The following TMEM53 variants were observed in gnomAD, a reference collection of about 807,000 sequenced individuals.
TMEM53 encodes novel DUF829 domain-containing protein.
A neutral mutation model predicts 21.4 loss-of-function variants in TMEM53; 14 were observed. The ratio of observed to expected loss-of-function variants is 0.65; its 90% CI spans 0.43 to 1.02. The LOEUF is 1.02. TMEM53 is among the 50% of genes least tolerant of loss of function. TMEM53 has a pLI of 0.00. For synonymous variants in TMEM53, 148 were observed against 157.4 expected, an observed-to-expected ratio of 0.94 and a Z score of 0.45; for missense variants, 323 against 383.6, an observed-to-expected ratio of 0.84 and a Z score of 1.32.
In TMEM53 at chr1:44,654,888, G is replaced by A. The variant is rs141005330; in HGVS notation, c.505C>T (p.Leu169=). The A allele has an allele frequency of 1.7e-4, 270 of 1,612,600 alleles. No individual in the cohort carries two copies. The highest frequency in any genetic ancestry group is 3.3e-5 in the Admixed American group (2 of 60,010). ...AAGGCCACCAGCAGCAACAGGCGCA[G>A]CATGGCGGCCCGGCGCTCCAGGATG... ...AAILERRAAM[L]RLLLLVAFAL... is the part of the protein sequence containing the mutation. Residue 169 remains leucine, a synonymous_variant, in exon 3 of 3, where the codon CTG becomes TTG. Coordinates refer to ENST00000372237, the MANE Select transcript of TMEM53 (RefSeq NM_024587.4). The surrounding 1 kb of genome is among the most constrained non-coding windows in gnomAD (Gnocchi z 7.0).
chr1:44,673,178 T>C (rs528724213), intron 1 of TMEM53, among the ~76,000 whole-genome samples: 1 of 152,328 alleles, frequency 6.6e-6, no homozygotes, highest in East Asian at 1.9e-4. Context: ...CAGATCCAGT[T>C]CTAGGGAAAA....
chr1:44,656,593 C>A (rs1330799069), intron 2 of TMEM53, among the ~76,000 whole-genome samples: 1 of 152,138 alleles, frequency 6.6e-6, no homozygotes, highest in East Asian at 1.9e-4. Flanking sequence ...TTCTCCCTGG[C>A]AGCATCTGGA....
chr1:44,667,479 T>G (rs183455246), intron 1 of TMEM53, among the ~76,000 whole-genome samples: 1 of 151,980 alleles, frequency 6.6e-6, no homozygotes, highest in Non-Finnish European at 1.5e-5. Context: ...GGCTAATTTT[T>G]GTGGTTTCAG....
At chr1:44,670,334 CCT>C (rs748268485) in intron 1 of TMEM53, among the ~76,000 whole-genome samples, 25 of 152,122 alleles carry the variant, frequency 1.6e-4, no homozygotes, top group Non-Finnish European at 2.6e-4. Context: ...CTGCCAGGCC[CCT>C]GTTCCCTCCA....
intron 1 of TMEM53, among the ~76,000 whole-genome samples, chr1:44,664,007 T>C (rs188445830): frequency 3.7e-3 from 562 of 151,516 alleles, no homozygotes; most frequent in Non-Finnish European, 5.4e-3. Flanking sequence ...TAAAAATTAG[T>C]TGGGCAAGGT....
At chr1:44,657,955 C>G (rs771703483) in intron 2 of TMEM53, among the ~76,000 whole-genome samples, 1 of 152,056 alleles carries the variant, frequency 6.6e-6, no homozygotes, top group Non-Finnish European at 1.5e-5. Context: ...ACCCCTCCCC[C>G]AACCCTGCAA....
intron 1 of TMEM53, among the ~76,000 whole-genome samples, chr1:44,670,976 A>G (rs888968650): frequency 2.0e-5 from 3 of 152,194 alleles, no homozygotes; most frequent in Non-Finnish European, 4.4e-5. Context: ...GGGATGTCAG[A>G]GCAGCTCTGG....
chr1:44,669,067 C>A (rs1644976304), intron 1 of TMEM53, among the ~76,000 whole-genome samples: 1 of 152,044 alleles, frequency 6.6e-6, no homozygotes, highest in Non-Finnish European at 1.5e-5. Flanking sequence ...CTATAGAGGG[C>A]TTATCATGGT....
At chr1:44,665,384 C>T (rs1301660592) in intron 1 of TMEM53, among the ~76,000 whole-genome samples, 5 of 152,088 alleles carry the variant, frequency 3.3e-5, no homozygotes, top group Non-Finnish European at 2.9e-5. Flanking sequence ...AGCCTATAAT[C>T]CCAGTATTTT....
intron 2 of TMEM53, among the ~76,000 whole-genome samples, chr1:44,657,697 C>G (rs1191003618): frequency 1.3e-5 from 2 of 151,724 alleles, no homozygotes; most frequent in Non-Finnish European, 2.9e-5. Flanking sequence ...ACCACCGTGC[C>G]TGGCTAATTG....
chr1:44,654,258 C>G lies in TMEM53; in HGVS notation c.*301G>C, dbSNP rs1195578114. The G allele has an allele frequency of 5.3e-5, 20 of 376,364 alleles. No individual in the cohort carries two copies. Among genetic ancestry groups the G allele is most frequent in the Non-Finnish European group, 4.8e-6 (1 of 206,864 alleles). The allele number at this position is 376,364 out of a possible 1,614,324, so 23.3% of individuals were successfully genotyped here. Reference sequence around the variant, plus strand: ...AACACCCCCCTCCATTTGTCAACCTCTACAGCCTGCATGCCACAGGAATCA... The same window carrying G: ...AACACCCCCCTCCATTTGTCAACCTGTACAGCCTGCATGCCACAGGAATCA... On this transcript the variant is annotated 3_prime_UTR_variant, in exon 3 of 3. Transcript: ENST00000372237. The surrounding 1 kb of genome is among the most constrained non-coding windows in gnomAD (Gnocchi z 7.0).
chr1:44,670,708 A>T (rs1390701353), intron 1 of TMEM53, among the ~76,000 whole-genome samples: 1 of 152,182 alleles, frequency 6.6e-6, no homozygotes, highest in Non-Finnish European at 1.5e-5. Flanking sequence ...AAACCTGGGG[A>T]GCAAAAACCC....
Position 44,654,531 on chromosome 1 carries a change from G to C in TMEM53, c.*28C>G. The stretch of plus-strand genomic sequence containing the variant: ...GGGGAGGTGTCAGGCATTTATTTCT[G>C]GAGCAGAGGTGAGATGGAGCAATGG... On this transcript the variant is annotated 3_prime_UTR_variant, in exon 3 of 3. Transcript: ENST00000372237. The surrounding 1 kb of genome is among the most constrained non-coding windows in gnomAD (Gnocchi z 7.0). 6.3e-7 allele frequency: 1 copy of C among 1,585,430 alleles called. No homozygotes were observed. The highest frequency in any genetic ancestry group is 1.3e-5 in the African/African-American group (1 of 74,640).
At chr1:44,667,764 C>G (rs1644962175) in intron 1 of TMEM53, among the ~76,000 whole-genome samples, 1 of 151,972 alleles carries the variant, frequency 6.6e-6, no homozygotes, top group South Asian at 2.1e-4. Context: ...TCTCAAACAA[C>G]AGGGGAGGTG....
intron 1 of TMEM53, chr1:44,674,005 G>T (rs975907334): frequency 2.0e-6 from 2 of 985,334 alleles, no homozygotes; most frequent in Non-Finnish European, 2.4e-6. Flanking sequence ...AATCAGGAGG[G>T]ATCCAGCTTT....
intron 1 of TMEM53, among the ~76,000 whole-genome samples, chr1:44,664,151 T>TAAA (rs555498355): frequency 7.5e-5 from 7 of 93,264 alleles, no homozygotes; most frequent in Admixed American, 2.3e-4. Flanking sequence ...GACCTTATTA[T>TAAA]AAAAAAAAAA....
In TMEM53 at chr1:44,654,921, G is replaced by C. The variant is rs1644834455; in HGVS notation, c.472C>G (p.Leu158Val). Residue 158 changes from leucine (L) to valine (V), a missense_variant, in exon 3 of 3, where the codon CTG becomes GTG. Around this residue, in one of 3 missense-constraint regions of TMEM53, gnomAD observed 269 missense variants for 334.5 expected, o/e 0.80. Coordinates refer to ENST00000372237, the MANE Select transcript of TMEM53 (RefSeq NM_024587.4). The surrounding 1 kb of genome is among the most constrained non-coding windows in gnomAD (Gnocchi z 7.0). ...GCCCGGCGCTCCAGGATGGCTGCCA[G>C]GGCCCGCAGAGCCCCTACCAGGTTG... ...DSNLVGALRA[L>V]AAILERRAAM... The C allele has an allele frequency of 6.2e-7, 1 of 1,613,064 alleles. No homozygotes were observed. Among genetic ancestry groups the C allele is most frequent in the Non-Finnish European group, 8.5e-7 (1 of 1,179,742 alleles).
intron 1 of TMEM53, among the ~76,000 whole-genome samples, chr1:44,669,259 C>G (rs1194505503): frequency 6.6e-6 from 1 of 152,140 alleles, no homozygotes; most frequent in Non-Finnish European, 1.5e-5. Flanking sequence ...TTATATATTT[C>G]TACACCATTA....
Position 44,654,446 on chromosome 1 carries a change from A to G in TMEM53, c.*113T>C, listed in dbSNP as rs1304399979. ...AGGAATTTTCTACTTAGGGGACCGCAAAGTCCCAAAGGGCTACAGGGAGTT... is the reference window on the plus strand; with the variant it reads ...AGGAATTTTCTACTTAGGGGACCGCGAAGTCCCAAAGGGCTACAGGGAGTT... On this transcript the variant is annotated 3_prime_UTR_variant, in exon 3 of 3. Transcript: ENST00000372237. The surrounding 1 kb of genome is among the most constrained non-coding windows in gnomAD (Gnocchi z 7.0). 4.5e-6 allele frequency: 6 copies of G among 1,320,436 alleles called. No individual in the cohort carries two copies. Among genetic ancestry groups the G allele is most frequent in the East Asian group, 2.3e-5 (1 of 43,112 alleles). The allele number at this position is 1,320,436 out of a possible 1,614,324, so 81.8% of individuals were successfully genotyped here. A position where few individuals can be genotyped will look rare whatever the true frequency, so the allele number is the denominator to read the frequency against.
Sources: allele counts gnomAD v4.1 joint callset (sites outside exome capture counted in the v4.1 genomes callset), GRCh38; gene constraint gnomAD v4.1.1; regional missense constraint gnomAD v4.1.1; non-coding constraint Gnocchi (gnomAD v3.1); transcripts MANE v1.5; gene names NCBI Gene and HGNC (gene_info 2026-07-23, HGNC 2026-07-21).